Variants in PIGN observed in about 807,000 individuals in gnomAD.
The protein encoded by PIGN is GPI ethanolamine phosphate transferase 1.
A neutral mutation model predicts 125.4 loss-of-function variants in PIGN; 117 were observed. The observed-to-expected ratio is 0.93, with a 90% CI of 0.80 to 1.09. The LOEUF (loss-of-function observed/expected upper bound fraction) is 1.09, where lower values mean the gene tolerates loss of function less well. PIGN is among the 50% of genes least tolerant of loss of function. The probability of loss-of-function intolerance (pLI) is 0.00; values close to 1 mark genes in which losing one functional copy is unlikely to be tolerated. For missense variants in PIGN, 1,075 were observed against 1,094.9 expected (o/e 0.98, Z 0.26); for synonymous variants, 392 against 377.8 (o/e 1.04, Z -0.44).
chr18:62,146,314 T>A (rs2036326950), intron 9 of PIGN, among the ~76,000 whole-genome samples: 1 of 152,038 alleles, frequency 6.6e-6, no homozygotes. Flanking sequence ...ATGGAAGAAA[T>A]GTTGCTGCTG....
chr18:62,148,734 G>A (rs1423111665), intron 7 of PIGN, among the ~76,000 whole-genome samples: 2 of 151,980 alleles, frequency 1.3e-5, no homozygotes, highest in African/African-American at 2.4e-5. Flanking sequence ...TTTCAGAACT[G>A]GACCACTTTT....
At position 62,096,516 on chromosome 18, in the gene PIGN, C is replaced by CTTTTTTTTTTT. The variant is rs398033140; in HGVS notation, c.2078-577_2078-567dup. ...TATTAACTCAAAAATGAATTATTTTCTTTTTTTTTTTTTTTTTTTTTTTTT... is the reference window on the plus strand; with the variant it reads ...TATTAACTCAAAAATGAATTATTTTCTTTTTTTTTTTTTTTTTTTTTTTTTTTTTTTTTTTT... On this transcript the variant is annotated intron_variant, in intron 22 of 30. Coordinates refer to ENST00000640252, the MANE Select transcript of PIGN (RefSeq NM_176787.5). Among the ~76,000 whole-genome samples, 79 of 85,640 alleles carry CTTTTTTTTTTT rather than the reference C, an allele frequency of 9.2e-4. 1 individual carries two copies. Among genetic ancestry groups the CTTTTTTTTTTT allele is most frequent in the African/African-American group, 1.4e-3 (25 of 18,370 alleles). The allele number at this position is 85,640 out of a possible 152,430, so 56.2% of individuals were successfully genotyped here. A position where few individuals can be genotyped will look rare whatever the true frequency, so the allele number is the denominator to read the frequency against.
chr18:62,076,424 A>T (rs1450713787), intron 28 of PIGN, among the ~76,000 whole-genome samples: 1 of 152,086 alleles, frequency 6.6e-6, no homozygotes, highest in Non-Finnish European at 1.5e-5. Context: ...CTGGTTTGTA[A>T]ATATTTTCTC....
At chr18:62,062,784 G>A (rs2032232385) in intron 30 of PIGN, among the ~76,000 whole-genome samples, 1 of 151,288 alleles carries the variant, frequency 6.6e-6, no homozygotes, top group Admixed American at 6.6e-5. Context: ...GGGTGGTGGT[G>A]GTTATAAATG....
chr18:62,096,364 C>T (rs62095308), intron 22 of PIGN, among the ~76,000 whole-genome samples: 25,704 of 151,790 alleles, frequency 0.17, 2,934 homozygotes, highest in Middle Eastern at 0.28. Flanking sequence ...GTTTTGTGAC[C>T]TTGAACATGA....
At chr18:62,089,422 C>A (rs1045082428) in intron 24 of PIGN, among the ~76,000 whole-genome samples, 3 of 152,110 alleles carry the variant, frequency 2.0e-5, no homozygotes, top group Admixed American at 2.0e-4. Flanking sequence ...TAAAGGTAGA[C>A]TTTCCCCACT....
intron 1 of PIGN, among the ~76,000 whole-genome samples, chr18:62,165,449 C>A (rs2037098644): frequency 6.6e-6 from 1 of 152,142 alleles, no homozygotes; most frequent in Non-Finnish European, 1.5e-5. Context: ...AAAATGACTT[C>A]CAGATTTCTG....
At chr18:62,149,259 T>C (rs11664146) in intron 7 of PIGN, among the ~76,000 whole-genome samples, 45,732 of 152,074 alleles carry the variant, frequency 0.3, 8,049 homozygotes, top group East Asian at 0.59. Flanking sequence ...TATTCAAGAA[T>C]AGAAATAAAT....
At chr18:62,152,865 TATA>T (rs755641816) in intron 7 of PIGN, among the ~76,000 whole-genome samples, 7 of 70,690 alleles carry the variant, frequency 9.9e-5, no homozygotes, top group East Asian at 3.7e-4. Context: ...TATATATATA[TATA>T]TTTTTTTTTT....
chr18:62,121,092 A>C (rs1022972167), intron 14 of PIGN, among the ~76,000 whole-genome samples: 1 of 152,204 alleles, frequency 6.6e-6, no homozygotes, highest in Non-Finnish European at 1.5e-5. Context: ...CAAAAGTCTT[A>C]AGATAGGGTG....
At chr18:62,158,412 A>T (rs552998048) in intron 4 of PIGN, among the ~76,000 whole-genome samples, 4 of 152,308 alleles carry the variant, frequency 2.6e-5, no homozygotes, top group Non-Finnish European at 4.4e-5. Context: ...AAAAATTCTT[A>T]AAAAACTAAG....
intron 22 of PIGN, among the ~76,000 whole-genome samples, chr18:62,098,824 T>C (rs1281681397): frequency 2.0e-5 from 3 of 152,110 alleles, no homozygotes; most frequent in African/African-American, 7.2e-5. Context: ...AACTTTCATG[T>C]TTGGTGAACA....
At chr18:62,117,200 G>GT (rs1369313331) in intron 14 of PIGN, among the ~76,000 whole-genome samples, 2 of 151,788 alleles carry the variant, frequency 1.3e-5, no homozygotes, top group African/African-American at 4.8e-5. Flanking sequence ...CCAAATATAC[G>GT]TTTTATTTTT....
chr18:62,040,766 T>C (rs2030345733), downstream of PIGN, among the ~76,000 whole-genome samples: 1 of 152,244 alleles, frequency 6.6e-6, no homozygotes, highest in Admixed American at 6.5e-5. Context: ...AGACGATTTC[T>C]AGAATTTCAA....
At chr18:62,037,268 C>T (rs540319796), downstream of PIGN, among the ~76,000 whole-genome samples, 31 of 152,348 alleles carry the variant, frequency 2.0e-4, no homozygotes, top group African/African-American at 7.2e-4. Context: ...CTGAAATTAG[C>T]TCTGAGTTGA....
intron 21 of PIGN, 83 bp from the exon 22 acceptor site, chr18:62,101,266 C>G: frequency 1.3e-6 from 1 of 775,992 alleles, no homozygotes; most frequent in South Asian, 1.5e-5. Context: ...ATTCTTATTT[C>G]TGAGACATTA....
At chr18:62,070,463 CAG>C (rs78755682) in intron 30 of PIGN, 77,607 of 398,320 alleles carry the variant, frequency 0.19, 9,141 homozygotes, top group Non-Finnish European at 0.25. Flanking sequence ...TTGGGAGAGG[CAG>C]ATATGTACAT....
At chr18:62,158,615 A>G (rs2036826554) in intron 4 of PIGN, among the ~76,000 whole-genome samples, 1 of 152,274 alleles carries the variant, frequency 6.6e-6, no homozygotes, top group African/African-American at 2.4e-5. Context: ...CAGCAGAGCA[A>G]TAAGTTATAA....
At chr18:62,170,654 A>G (rs1207395845) in intron 1 of PIGN, among the ~76,000 whole-genome samples, 1 of 152,206 alleles carries the variant, frequency 6.6e-6, no homozygotes, top group Non-Finnish European at 1.5e-5. Context: ...CTAAGTGTTC[A>G]AGTGAAAGAA....
Sources: allele counts gnomAD v4.1 joint callset (sites outside exome capture counted in the v4.1 genomes callset), GRCh38; gene constraint gnomAD v4.1.1; transcripts MANE v1.5; gene names NCBI Gene and HGNC (gene_info 2026-07-23, HGNC 2026-07-21).